The following MAD1L1 variants were observed in gnomAD, a reference collection of about 807,000 sequenced individuals.
MAD1L1 encodes mitotic spindle assembly checkpoint protein MAD1.
In MAD1L1, 95 loss-of-function variants were observed where a neutral mutation model predicts 96.9. That is an observed-to-expected ratio of 0.98 (90% CI 0.83 to 1.16). MAD1L1 has a LOEUF of 1.16. MAD1L1 is among the 50% of genes most tolerant of loss of function. MAD1L1 has a pLI of 0.00. For synonymous variants in MAD1L1, 473 were observed against 396.6 expected, an observed-to-expected ratio of 1.19 and a Z score of -2.29; for missense variants, 1,007 against 954.4, an observed-to-expected ratio of 1.06 and a Z score of -0.73.
At chr7:1,910,523 C>A (rs542384499) in intron 17 of MAD1L1, among the ~76,000 whole-genome samples, 148 of 152,354 alleles carry the variant, frequency 9.7e-4, no homozygotes, top group Non-Finnish European at 2.1e-3. Context: ...CTGGGCACTG[C>A]CCTGGGGGCT....
At chr7:2,147,768 C>A (rs1399172108) in intron 11 of MAD1L1, among the ~76,000 whole-genome samples, 2 of 152,236 alleles carry the variant, frequency 1.3e-5, no homozygotes, top group Non-Finnish European at 2.9e-5. Flanking sequence ...CCAATCCCCC[C>A]ATGGGCTCAA....
At chr7:2,095,951 G>A (rs1357941737) in intron 11 of MAD1L1, among the ~76,000 whole-genome samples, 3 of 152,252 alleles carry the variant, frequency 2.0e-5, no homozygotes, top group East Asian at 1.9e-4. Context: ...AGGAGAGCGC[G>A]GGTCCGCGGG....
At chr7:2,037,983 A>G (rs1783514036) in intron 12 of MAD1L1, among the ~76,000 whole-genome samples, 1 of 152,234 alleles carries the variant, frequency 6.6e-6, no homozygotes, top group Non-Finnish European at 1.5e-5. Flanking sequence ...TCTCGTGCCA[A>G]ACAGCTCGCC....
intron 17 of MAD1L1, among the ~76,000 whole-genome samples, chr7:1,905,343 G>A (rs1164021175): frequency 1.0e-5 from 1 of 97,490 alleles, no homozygotes; most frequent in Non-Finnish European, 2.3e-5. Context: ...AGACGTTCTT[G>A]TGGAACTCAT....
intron 17 of MAD1L1, among the ~76,000 whole-genome samples, chr7:1,933,994 G>A (rs774122898): frequency 1.6e-4 from 24 of 152,162 alleles, no homozygotes; most frequent in Non-Finnish European, 2.4e-4. Context: ...CTGCTCACCC[G>A]CCAATTCCAG....
chr7:1,891,783 G>A (rs1786555631), intron 18 of MAD1L1, among the ~76,000 whole-genome samples: 1 of 152,098 alleles, frequency 6.6e-6, no homozygotes, highest in Non-Finnish European at 1.5e-5. Flanking sequence ...GTCTTGCTAT[G>A]TTGCCAAGGC....
At chr7:2,163,974 C>G (rs1384949140) in intron 10 of MAD1L1, among the ~76,000 whole-genome samples, 5 of 152,132 alleles carry the variant, frequency 3.3e-5, no homozygotes, top group Non-Finnish European at 7.3e-5. Context: ...TGCAGTCAGT[C>G]AAGCACTCAA....
At chr7:1,890,343 G>A (rs535082255) in intron 18 of MAD1L1, among the ~76,000 whole-genome samples, 2 of 152,208 alleles carry the variant, frequency 1.3e-5, no homozygotes, top group Non-Finnish European at 2.9e-5. Context: ...GAGGGAATTA[G>A]TGAGGTCTCT....
intron 12 of MAD1L1, among the ~76,000 whole-genome samples, chr7:2,056,078 G>A (rs1297171270): frequency 6.6e-6 from 1 of 152,252 alleles, no homozygotes; most frequent in African/African-American, 2.4e-5. Context: ...TCGACTTGCT[G>A]GGCTAAAACG....
chr7:1,856,158 C>T (rs1784239445), intron 18 of MAD1L1, among the ~76,000 whole-genome samples: 1 of 152,210 alleles, frequency 6.6e-6, no homozygotes, highest in Non-Finnish European at 1.5e-5. Flanking sequence ...CAGCCTGTGG[C>T]AAGGCCCCGC....
intron 18 of MAD1L1, among the ~76,000 whole-genome samples, chr7:1,874,757 G>A (rs567288212): frequency 6.6e-6 from 1 of 152,174 alleles, no homozygotes; most frequent in African/African-American, 2.4e-5. Flanking sequence ...TAGTGTACAC[G>A]GGGAGGGGTG....
At chr7:2,039,251 T>C (rs543077807) in intron 12 of MAD1L1, among the ~76,000 whole-genome samples, 2 of 152,378 alleles carry the variant, frequency 1.3e-5, no homozygotes, top group African/African-American at 2.4e-5. Flanking sequence ...GCACTACCGT[T>C]GTTTAACCAT....
At chr7:2,059,421 G>A (rs1384037710) in intron 12 of MAD1L1, among the ~76,000 whole-genome samples, 1 of 150,258 alleles carries the variant, frequency 6.7e-6, no homozygotes, top group Non-Finnish European at 1.5e-5. Context: ...CCAGAGGAGA[G>A]GCACGGGGTT....
chr7:2,189,803 G>A (rs1023678480), intron 10 of MAD1L1, among the ~76,000 whole-genome samples: 1 of 152,192 alleles, frequency 6.6e-6, no homozygotes, highest in East Asian at 1.9e-4. Flanking sequence ...TATTGTATAT[G>A]TATTTGACCC....
At chr7:1,896,762 C>T (rs1786900569) in intron 18 of MAD1L1, among the ~76,000 whole-genome samples, 1 of 152,240 alleles carries the variant, frequency 6.6e-6, no homozygotes, top group South Asian at 2.1e-4. Flanking sequence ...TTCGCTTCAA[C>T]TACAGCACAC....
intron 14 of MAD1L1, among the ~76,000 whole-genome samples, chr7:1,990,712 T>G (rs1056123026): frequency 3.3e-5 from 5 of 152,198 alleles, no homozygotes; most frequent in African/African-American, 1.2e-4. Context: ...CCGCCACTGC[T>G]GGCCTCACGA....
At chr7:2,128,867 C>T (rs1454313779) in intron 11 of MAD1L1, among the ~76,000 whole-genome samples, 1 of 152,238 alleles carries the variant, frequency 6.6e-6, no homozygotes. Context: ...ACACTGCAGT[C>T]TCTCTGCTCC....
chr7:2,088,407 A>G lies in MAD1L1; in HGVS notation c.1074-19069T>C, dbSNP rs562398323. Among the ~76,000 whole-genome samples, 21 of 151,976 alleles carry G rather than the reference A, an allele frequency of 1.4e-4. No homozygotes were observed. Among genetic ancestry groups the G allele is most frequent in the African/African-American group, 4.3e-4 (18 of 41,430 alleles). Reference sequence around the variant, plus strand: ...ACACTGAGCCACCTATTCCCACCACAGCCCCCGCCCCGCTCCGTCCCACCA... The same window carrying G: ...ACACTGAGCCACCTATTCCCACCACGGCCCCCGCCCCGCTCCGTCCCACCA... On this transcript the variant is annotated intron_variant, in intron 11 of 18. Transcript: ENST00000265854. This position sits in a 1 kb window ranked among gnomAD's most constrained non-coding sequence, Gnocchi z 4.4.
At chr7:2,106,882 C>T (rs73671839) in intron 11 of MAD1L1, among the ~76,000 whole-genome samples, 3,068 of 152,300 alleles carry the variant, frequency 0.02, 105 homozygotes, top group African/African-American at 0.071. Flanking sequence ...CTGGCCCTGG[C>T]TGAGAGACAG....
Sources: allele counts gnomAD v4.1 joint callset (sites outside exome capture counted in the v4.1 genomes callset), GRCh38; gene constraint gnomAD v4.1.1; non-coding constraint Gnocchi (gnomAD v3.1); transcripts MANE v1.5; gene names NCBI Gene and HGNC (gene_info 2026-07-23, HGNC 2026-07-21).